EPN1: variants seen among roughly 807,000 people sequenced by gnomAD.
EPN1 encodes the protein epsin 1.
In EPN1, 25 loss-of-function variants were observed where a neutral mutation model predicts 56.9. The ratio of observed to expected loss-of-function variants is 0.44; its 90% CI spans 0.32 to 0.61. EPN1 has a LOEUF of 0.61. Ranked by LOEUF, EPN1 falls within the 20% of genes least tolerant of loss-of-function variation. The probability of loss-of-function intolerance (pLI) is 0.05; values close to 1 mark genes in which losing one functional copy is unlikely to be tolerated. For synonymous variants in EPN1, 411 were observed against 361.8 expected, an observed-to-expected ratio of 1.14 and a Z score of -1.54; for missense variants, 785 against 823.7, an observed-to-expected ratio of 0.95 and a Z score of 0.58.
rs1260910869 is a variant in EPN1, at chr19:55,695,304, C to G, written c.1679C>G (p.Pro560Arg). 1 of 1,564,074 alleles carries G rather than the reference C, an allele frequency of 6.4e-7. No individual in the cohort carries two copies. The highest frequency in any genetic ancestry group is 8.6e-7 in the Non-Finnish European group (1 of 1,157,462). Residue 560 changes from proline to arginine, a missense_variant, in exon 11 of 11, where the codon CCC becomes CGC. Around this residue, in one of 2 missense-constraint regions of EPN1, gnomAD observed 650 missense variants for 605.0 expected, o/e 1.07. Coordinates refer to ENST00000270460, the MANE Select transcript of EPN1 (RefSeq NM_001130072.2). The surrounding 1 kb of genome is among the most constrained non-coding windows in gnomAD (Gnocchi z 4.4). ...CTTGGCGGGGGCCCTGGCCTGCCCC[C>G]CATGATGCCCCCGGGCCCCCCGGCC... ...SPLGGGPGLP[P>R]MMPPGPPAPN...
Position 55,688,525 on chromosome 19 carries a change from C to T in EPN1, c.479-345C>T, listed in dbSNP as rs570785600. 1.6e-4 allele frequency among the ~76,000 whole-genome samples: 25 copies of T among 152,288 alleles called. No individual in the cohort carries two copies. The East Asian group carries it at 4.6e-3, about 28-fold the overall frequency. ...CTGGGAGGAAGGACCTCCCATCCCCCAGGGGCCCAGGGACAGACCCCAGGC... is the reference window on the plus strand; with the variant it reads ...CTGGGAGGAAGGACCTCCCATCCCCTAGGGGCCCAGGGACAGACCCCAGGC... On this transcript the variant is annotated intron_variant, in intron 3 of 10. Coordinates refer to ENST00000270460, the MANE Select transcript of EPN1 (RefSeq NM_001130072.2).
chr19:55,680,531 G>A (rs958913319), intron 2 of EPN1: 2 of 152,304 alleles, frequency 1.3e-5, no homozygotes, highest in Non-Finnish European at 2.9e-5. Flanking sequence ...TCAGTTCCCC[G>A]GGGGAGGGTT....
chr19:55,685,352 T>C, intron 2 of EPN1, 44 bp from the exon 3 acceptor site: 5 of 1,587,418 alleles, frequency 3.1e-6, no homozygotes, highest in Non-Finnish European at 4.3e-6. Flanking sequence ...CTGGCCCGCC[T>C]TGTGCCCGGC....
At position 55,706,685 on chromosome 19, in the gene EPN1, G is replaced by T. The variant is rs954929175; in HGVS notation, c.*11329G>T. 1 of 149,884 alleles carries T rather than the reference G, an allele frequency of 6.7e-6. No homozygotes were observed. Among genetic ancestry groups the T allele is most frequent in the Non-Finnish European group, 1.5e-5 (1 of 67,518 alleles). 9.3% of individuals were successfully genotyped at this position (149,884 alleles called of 1,614,324 possible). A position where few individuals can be genotyped will look rare whatever the true frequency, so the allele number is the denominator to read the frequency against. On this transcript the variant is annotated 3_prime_UTR_variant, in exon 11 of 11. Coordinates refer to ENST00000270460, the MANE Select transcript of EPN1 (RefSeq NM_001130072.2). ...AGAAAAGAGGGGAAGGGAAGGGAGA[G>T]ATTTAAAAAACAATAGTAAAGAGAG...
chr19:55,695,570 G>C lies in EPN1; in HGVS notation c.*214G>C. The C allele has an allele frequency of 1.8e-6, 1 of 554,550 alleles. No homozygotes were observed. The highest frequency in any genetic ancestry group is 3.4e-5 in the Admixed American group (1 of 29,824). The allele number at this position is 554,550 out of a possible 1,614,324, so 34.4% of individuals were successfully genotyped here. A position where few individuals can be genotyped will look rare whatever the true frequency, so the allele number is the denominator to read the frequency against. ...TGGGGAGGGGAGCTGGCCAGAGGAGGACCCCTTTCCCGTGGCATTAGAAGG... is the reference window on the plus strand; with the variant it reads ...TGGGGAGGGGAGCTGGCCAGAGGAGCACCCCTTTCCCGTGGCATTAGAAGG... On this transcript the variant is annotated 3_prime_UTR_variant, in exon 11 of 11. Transcript: ENST00000270460. This position sits in a 1 kb window ranked among gnomAD's most constrained non-coding sequence, Gnocchi z 4.4.
rs566652408 is a variant in EPN1, at chr19:55,706,003, T to C, written c.*10647T>C. On this transcript the variant is annotated 3_prime_UTR_variant, in exon 11 of 11. Coordinates refer to ENST00000270460, the MANE Select transcript of EPN1 (RefSeq NM_001130072.2). The stretch of plus-strand genomic sequence containing the variant: ...TATGCTGGATGGGAAGCCAGAGGTC[T>C]GCATAGCAGTTACAAAGAAGGCCTT... 96 of 166,134 alleles carry C rather than the reference T, an allele frequency of 5.8e-4. No individual in the cohort carries two copies. The highest frequency in any genetic ancestry group is 2.0e-3 in the South Asian group (14 of 6,958). 10.3% of individuals were successfully genotyped at this position (166,134 alleles called of 1,614,324 possible). A position where few individuals can be genotyped will look rare whatever the true frequency, so the allele number is the denominator to read the frequency against.
At position 55,689,075 on chromosome 19, in the gene EPN1, G is replaced by A. The variant is rs908636483; in HGVS notation, c.603+81G>A. ...CAGGCTCCCTCCCAGCCAGGCGTGG[G>A]CCTGGCCCTCACTGTCGCTGCTCCA... is the stretch of plus-strand genomic sequence containing the variant. On this transcript the variant is annotated intron_variant, in intron 4 of 10. Transcript: ENST00000270460. The surrounding 1 kb of genome is among the most constrained non-coding windows in gnomAD (Gnocchi z 5.7). 15 of 1,479,024 alleles carry A rather than the reference G, an allele frequency of 1.0e-5. No homozygotes were observed. The East Asian group carries it at 3.6e-4, about 36-fold the overall frequency. The allele number at this position is 1,479,024 out of a possible 1,614,324, so 91.6% of individuals were successfully genotyped here.
In EPN1 at chr19:55,695,104, C is replaced by A; in HGVS notation, c.1523-44C>A. ...ATGCTGGATGGACACAGGTGGGCTG[C>A]GCCACTGACTCCACTCCGTGTCTCT... On this transcript the variant is annotated intron_variant, in intron 10 of 10. Coordinates refer to ENST00000270460, the MANE Select transcript of EPN1 (RefSeq NM_001130072.2). This position sits in a 1 kb window ranked among gnomAD's most constrained non-coding sequence, Gnocchi z 4.4. 3 of 1,611,594 alleles carry A rather than the reference C, an allele frequency of 1.9e-6. No homozygotes were observed. The highest frequency in any genetic ancestry group is 1.7e-6 in the Non-Finnish European group (2 of 1,178,502).
rs769612281 is a variant in EPN1, at chr19:55,694,798, G to C, written c.1337G>C (p.Gly446Ala). 1.2e-5 allele frequency: 20 copies of C among 1,610,454 alleles called. No individual in the cohort carries two copies. Among genetic ancestry groups the C allele is most frequent in the Admixed American group, 1.7e-5 (1 of 59,664 alleles). ...PGAFDMSGVR[G>A]SLAEAVGSPP... The stretch of plus-strand genomic sequence containing the variant: ...GCGTTTGACATGAGTGGGGTCAGGG[G>C]ATCTCTGGCTGAGGCTGTGGGCAGC... Residue 446 changes from glycine (G) to alanine (A), a missense_variant, in exon 10 of 11, where the codon GGA (glycine) becomes GCA (alanine). By Grantham distance (60) the Gly-to-Ala change is moderately conservative. Coordinates refer to ENST00000270460, the MANE Select transcript of EPN1 (RefSeq NM_001130072.2). This position sits in a 1 kb window ranked among gnomAD's most constrained non-coding sequence, Gnocchi z 4.2.
chr19:55,689,746 C>G lies in EPN1; in HGVS notation c.679-121C>G, dbSNP rs1221879230. On this transcript the variant is annotated intron_variant, in intron 5 of 10. Coordinates refer to ENST00000270460, the MANE Select transcript of EPN1 (RefSeq NM_001130072.2). The surrounding 1 kb of genome is among the most constrained non-coding windows in gnomAD (Gnocchi z 5.7). ...CCCATTTCATACATTGTCCGCATCC[C>G]ATCGAATCCTTCAGCCGCTTTCGTT... The G allele has an allele frequency of 3.4e-6, 3 of 893,616 alleles. No homozygotes were observed. Among genetic ancestry groups the G allele is most frequent in the Non-Finnish European group, 5.4e-6 (3 of 558,602 alleles). 55.4% of individuals were successfully genotyped at this position (893,616 alleles called of 1,614,324 possible). A position where few individuals can be genotyped will look rare whatever the true frequency, so the allele number is the denominator to read the frequency against.
chr19:55,677,524 C>T, intron 1 of EPN1: 2 of 1,361,680 alleles, frequency 1.5e-6, no homozygotes, highest in Non-Finnish European at 2.0e-6. Context: ...TGGTGTGTGA[C>T]CTTGGTTGAA....
chr19:55,676,275 A>G (rs953715624), intron 1 of EPN1, among the ~76,000 whole-genome samples: 1 of 151,438 alleles, frequency 6.6e-6, no homozygotes, highest in Non-Finnish European at 1.5e-5. Flanking sequence ...AGTGTTAGAT[A>G]TCGGTCGGTT....
rs1223530523 is a variant in EPN1 at position 55,706,929 on chromosome 19, C to CTT, written c.*11575_*11576dup. ...GTGGCTCAGGCCTGTAATCCCAGCA[C>CTT]TTTGGGAGGCCGAGGCAGGCGGATT... On this transcript the variant is annotated 3_prime_UTR_variant, in exon 11 of 11. Coordinates refer to ENST00000270460, the MANE Select transcript of EPN1 (RefSeq NM_001130072.2). 1 of 152,328 alleles carries CTT rather than the reference C, an allele frequency of 6.6e-6. No homozygotes were observed. The highest frequency in any genetic ancestry group is 1.9e-4 in the East Asian group (1 of 5,180). The allele number at this position is 152,328 out of a possible 1,614,324, so 9.4% of individuals were successfully genotyped here. A position where few individuals can be genotyped will look rare whatever the true frequency, so the allele number is the denominator to read the frequency against.
In EPN1 at chr19:55,706,280, C is replaced by CTTTTTTTTTTTTTTTT. The variant is rs1323034565; in HGVS notation, c.*10926_*10927insTTTTTTTTTTTTTTTT. 1.5e-4 allele frequency: 19 copies of CTTTTTTTTTTTTTTTT among 129,302 alleles called. No homozygotes were observed. Among genetic ancestry groups the CTTTTTTTTTTTTTTTT allele is most frequent in the African/African-American group, 3.2e-4 (10 of 31,690 alleles). 8.0% of individuals were successfully genotyped at this position (129,302 alleles called of 1,614,324 possible). A position where few individuals can be genotyped will look rare whatever the true frequency, so the allele number is the denominator to read the frequency against. ...TTTCTTCCTTTCTTCTCTTTTTCTT[C>CTTTTTTTTTTTTTTTT]TTCTTTTTTTTTTTTTTTTAAAAGA... On this transcript the variant is annotated 3_prime_UTR_variant, in exon 11 of 11. Coordinates refer to ENST00000270460, the MANE Select transcript of EPN1 (RefSeq NM_001130072.2).
rs1442424889 is a variant in EPN1 at position 55,702,681 on chromosome 19, C to CCTAT, written c.*7329_*7332dup. 1 of 152,176 alleles carries CCTAT rather than the reference C, an allele frequency of 6.6e-6. No homozygotes were observed. Among genetic ancestry groups the CCTAT allele is most frequent in the African/African-American group, 2.4e-5 (1 of 41,434 alleles). The allele number at this position is 152,176 out of a possible 1,614,324, so 9.4% of individuals were successfully genotyped here. ...GTTTTTTGCTGGGGACTCTCTTCGC[C>CCTAT]CTATCTACCTAAATGATTTCTGTTT... On this transcript the variant is annotated 3_prime_UTR_variant, in exon 11 of 11. Transcript: ENST00000270460.
At chr19:55,682,827 G>T (rs1985907318) in intron 2 of EPN1, among the ~76,000 whole-genome samples, 2 of 146,222 alleles carry the variant, frequency 1.4e-5, no homozygotes, top group Admixed American at 6.7e-5. Context: ...CACCACCTCG[G>T]CTCACTGCAA....
Position 55,705,181 on chromosome 19 carries a change from A to T in EPN1, c.*9825A>T, listed in dbSNP as rs1389269114. The T allele has an allele frequency of 6.6e-6, 1 of 152,184 alleles. No individual in the cohort carries two copies. The highest frequency in any genetic ancestry group is 1.5e-5 in the Non-Finnish European group (1 of 68,040). 9.4% of individuals were successfully genotyped at this position (152,184 alleles called of 1,614,324 possible). On this transcript the variant is annotated 3_prime_UTR_variant, in exon 11 of 11. Coordinates refer to ENST00000270460, the MANE Select transcript of EPN1 (RefSeq NM_001130072.2). ...TATTAAACTTCAGAGGTCCATGGAG[A>T]CCTCTTAGGAGTCTTTGAAGGAACT...
At position 55,709,035 on chromosome 19, in the gene EPN1, T is replaced by A. The variant is rs1232426065; in HGVS notation, c.*13679T>A. Reference sequence around the variant, plus strand: ...TCTGAGTTTCTTCATCAAAGCCAGATTTGTGCAGCCTGGGAAAATAGAAAT... The same window carrying A: ...TCTGAGTTTCTTCATCAAAGCCAGAATTGTGCAGCCTGGGAAAATAGAAAT... On this transcript the variant is annotated 3_prime_UTR_variant, in exon 11 of 11. Coordinates refer to ENST00000270460, the MANE Select transcript of EPN1 (RefSeq NM_001130072.2). 6.4e-6 allele frequency: 10 copies of A among 1,573,172 alleles called. No individual in the cohort carries two copies. Among genetic ancestry groups the A allele is most frequent in the Non-Finnish European group, 8.6e-6 (10 of 1,167,108 alleles).
intron 2 of EPN1, among the ~76,000 whole-genome samples, chr19:55,684,667 G>A (rs1398771921): frequency 6.6e-6 from 1 of 152,154 alleles, no homozygotes; most frequent in Non-Finnish European, 1.5e-5. Context: ...TTGCAGAGGT[G>A]ATAAACTACT....
Sources: allele counts gnomAD v4.1 joint callset (sites outside exome capture counted in the v4.1 genomes callset), GRCh38; gene constraint gnomAD v4.1.1; regional missense constraint gnomAD v4.1.1; non-coding constraint Gnocchi (gnomAD v3.1); transcripts MANE v1.5; gene names NCBI Gene and HGNC (gene_info 2026-07-23, HGNC 2026-07-21).